Variants in CADM1 observed in about 807,000 individuals in gnomAD.
CADM1 encodes cell adhesion molecule 1.
In CADM1, 15 loss-of-function variants were observed where a neutral mutation model predicts 53.1. The ratio of observed to expected loss-of-function variants is 0.28; its 90% CI spans 0.19 to 0.44. The LOEUF is 0.44. Ranked by LOEUF, CADM1 falls within the 20% of genes least tolerant of loss-of-function variation. The pLI is 1.00. For synonymous variants in CADM1, 281 were observed against 243.0 expected (o/e 1.16, Z -1.45); for missense variants, 434 against 611.3 (o/e 0.71, Z 3.06).
At chr11:115,503,875 G>T (rs1949791198) in intron 1 of CADM1, among the ~76,000 whole-genome samples, 1 of 152,160 alleles carries the variant, frequency 6.6e-6, no homozygotes, top group South Asian at 2.1e-4. Context: ...AGCCCTGGGA[G>T]GTGGGAGGAC....
intron 1 of CADM1, among the ~76,000 whole-genome samples, chr11:115,484,228 GCA>G (rs1338998681): frequency 6.6e-6 from 1 of 152,182 alleles, no homozygotes; most frequent in African/African-American, 2.4e-5. Flanking sequence ...AAGGAACCAT[GCA>G]CAGTCTTTCT....
chr11:115,244,731 A>G lies in CADM1; in HGVS notation c.125-4311T>C, dbSNP rs542398673. Reference sequence around the variant, plus strand: ...GTTCATACTGGCTCTGCCTTGGAAAATGTACTTGTTTTTAAAGAGGGTTGT... The same window carrying G: ...GTTCATACTGGCTCTGCCTTGGAAAGTGTACTTGTTTTTAAAGAGGGTTGT... On this transcript the variant is annotated intron_variant, in intron 1 of 11. Coordinates refer to ENST00000331581, the MANE Select transcript of CADM1 (RefSeq NM_001301043.2). 2.6e-5 allele frequency among the ~76,000 whole-genome samples: 4 copies of G among 152,302 alleles called. No individual in the cohort carries two copies. The South Asian group carries it at 8.3e-4, about 32-fold the overall frequency.
intron 1 of CADM1, among the ~76,000 whole-genome samples, chr11:115,341,287 T>C (rs1945439860): frequency 6.6e-5 from 10 of 152,198 alleles, no homozygotes; most frequent in Admixed American, 5.9e-4. Context: ...GATAAGCTTA[T>C]ATTCTGATCA....
intron 1 of CADM1, among the ~76,000 whole-genome samples, chr11:115,474,546 T>C (rs1052728088): frequency 1.3e-5 from 2 of 151,588 alleles, no homozygotes; most frequent in Non-Finnish European, 2.9e-5. Context: ...ATGTCCTTTA[T>C]AGGGACATGA....
intron 1 of CADM1, among the ~76,000 whole-genome samples, chr11:115,498,313 A>G (rs528459149): frequency 6.6e-5 from 10 of 152,338 alleles, no homozygotes; most frequent in Middle Eastern, 3.4e-3. Context: ...GGAAAGAGAC[A>G]TTTTTATTTT....
intron 1 of CADM1, among the ~76,000 whole-genome samples, chr11:115,346,743 G>T (rs1482373235): frequency 6.6e-6 from 1 of 152,078 alleles, no homozygotes; most frequent in Non-Finnish European, 1.5e-5. Context: ...GAGTCCCCCA[G>T]AATCCATCAC....
intron 1 of CADM1, among the ~76,000 whole-genome samples, chr11:115,360,588 C>G (rs1288836579): frequency 2.0e-5 from 3 of 152,176 alleles, no homozygotes; most frequent in Non-Finnish European, 4.4e-5. Context: ...TTGAAATTTC[C>G]TTACATTCCA....
intron 9 of CADM1, among the ~76,000 whole-genome samples, chr11:115,197,414 T>C (rs576193264): frequency 6.7e-6 from 1 of 150,224 alleles, no homozygotes; most frequent in South Asian, 2.1e-4. Flanking sequence ...ATAATTCCCT[T>C]GGATTCAATT....
chr11:115,260,867 G>T (rs1942953983), intron 1 of CADM1, among the ~76,000 whole-genome samples: 1 of 151,840 alleles, frequency 6.6e-6, no homozygotes, highest in Non-Finnish European at 1.5e-5. Context: ...GTGGAGACGG[G>T]GTTTCACCGT....
intron 11 of CADM1, among the ~76,000 whole-genome samples, chr11:115,177,599 T>C (rs1341495564): frequency 1.3e-5 from 2 of 151,638 alleles, no homozygotes; most frequent in East Asian, 1.9e-4. Context: ...GTGACACACA[T>C]GTTCCCCTCC....
chr11:115,183,982 C>G (rs1035272749), intron 10 of CADM1, among the ~76,000 whole-genome samples: 1 of 152,080 alleles, frequency 6.6e-6, no homozygotes, highest in East Asian at 1.9e-4. Context: ...TAGTTCCTTT[C>G]CTGGGTGGAG....
chr11:115,304,667 A>C (rs1180435982), intron 1 of CADM1, among the ~76,000 whole-genome samples: 1 of 152,078 alleles, frequency 6.6e-6, no homozygotes, highest in Non-Finnish European at 1.5e-5. Context: ...ATCTGATTGG[A>C]TATCATACCA....
intron 1 of CADM1, among the ~76,000 whole-genome samples, chr11:115,423,660 T>C (rs764779517): frequency 3.3e-5 from 5 of 152,186 alleles, no homozygotes; most frequent in Non-Finnish European, 5.9e-5. Flanking sequence ...TGAACCTTAT[T>C]AGGTAATATT....
intron 1 of CADM1, among the ~76,000 whole-genome samples, chr11:115,416,032 C>T (rs11215545): frequency 0.3 from 46,313 of 151,858 alleles, 8,335 homozygotes; most frequent in Non-Finnish European, 0.42. Flanking sequence ...TAAGAAAACA[C>T]CACAAGGCTT....
intron 1 of CADM1, among the ~76,000 whole-genome samples, chr11:115,454,157 T>G (rs978560897): frequency 6.6e-6 from 1 of 151,994 alleles, no homozygotes; most frequent in Non-Finnish European, 1.5e-5. Flanking sequence ...GTCTAAGCAA[T>G]TAAAGTTGAC....
At chr11:115,487,707 T>A (rs1349851921) in intron 1 of CADM1, among the ~76,000 whole-genome samples, 2 of 152,210 alleles carry the variant, frequency 1.3e-5, no homozygotes, top group Non-Finnish European at 2.9e-5. Flanking sequence ...CTTGTTTTCA[T>A]GCAAATGACC....
At chr11:115,319,926 C>T (rs1173036364) in intron 1 of CADM1, among the ~76,000 whole-genome samples, 2 of 152,066 alleles carry the variant, frequency 1.3e-5, no homozygotes, top group East Asian at 3.9e-4. Context: ...TTTTATCTTC[C>T]TGTTGGGGCC....
intron 1 of CADM1, among the ~76,000 whole-genome samples, chr11:115,273,277 C>T (rs569660500): frequency 2.2e-4 from 33 of 152,338 alleles, no homozygotes; most frequent in South Asian, 2.1e-4. Flanking sequence ...GACATCATCA[C>T]TGTCTAGATA....
chr11:115,241,135 A>G (rs1395861612), intron 1 of CADM1, among the ~76,000 whole-genome samples: 1 of 152,176 alleles, frequency 6.6e-6, no homozygotes, highest in Non-Finnish European at 1.5e-5. Context: ...CATGTCAAAA[A>G]GTCGAGGCTT....
Sources: allele counts gnomAD v4.1 joint callset (sites outside exome capture counted in the v4.1 genomes callset), GRCh38; gene constraint gnomAD v4.1.1; transcripts MANE v1.5; gene names NCBI Gene and HGNC (gene_info 2026-07-23, HGNC 2026-07-21).